Variants in GRID2 observed in about 807,000 individuals in gnomAD.
GRID2 encodes the protein glutamate ionotropic receptor delta type subunit 2.
GRID2 carries 33 observed loss-of-function variants against 114.8 expected under a neutral mutation model. The ratio of observed to expected loss-of-function variants is 0.29; its 90% CI spans 0.22 to 0.38. The LOEUF is 0.38. Ranked by LOEUF, GRID2 falls within the 10% of genes least tolerant of loss-of-function variation. The pLI, the probability that GRID2 is intolerant of heterozygous loss-of-function variation, is 1.00. For synonymous variants in GRID2, 505 were observed against 449.9 expected (o/e 1.12, Z -1.55); for missense variants, 1,184 against 1,257.7 (o/e 0.94, Z 0.89).
intron 2 of GRID2, among the ~76,000 whole-genome samples, chr4:92,895,577 G>T (rs549037082): frequency 9.2e-5 from 14 of 151,728 alleles, no homozygotes; most frequent in African/African-American, 2.2e-4. Context: ...TTCACAATTT[G>T]AGTTACCAGT....
chr4:93,074,553 T>A (rs941230727), intron 2 of GRID2, among the ~76,000 whole-genome samples: 9 of 152,096 alleles, frequency 5.9e-5, no homozygotes, highest in Admixed American at 5.9e-4. Context: ...AAAAGAAGAA[T>A]GGTCTAAAAT....
chr4:92,883,541 C>T lies in GRID2; in HGVS notation c.245-201454C>T, dbSNP rs552547176. On this transcript the variant is annotated intron_variant, in intron 2 of 15. Coordinates refer to ENST00000282020, the MANE Select transcript of GRID2 (RefSeq NM_001510.4). ...CCAGATTCATCAGAGGAATCACTGTCTATGGTAGCTAGAGCCTTAAGAAAT... is the reference window on the plus strand; with the variant it reads ...CCAGATTCATCAGAGGAATCACTGTTTATGGTAGCTAGAGCCTTAAGAAAT... Among the ~76,000 whole-genome samples the T allele has an allele frequency of 1.4e-3, 218 of 152,232 alleles. 2 individuals carry two copies. The highest frequency in any genetic ancestry group is 7.2e-4 in the Non-Finnish European group (49 of 68,022).
At chr4:92,718,761 CAAAAA>C (rs3077559) in intron 2 of GRID2, among the ~76,000 whole-genome samples, 19 of 41,780 alleles carry the variant, frequency 4.5e-4, no homozygotes, top group African/African-American at 1.4e-3. Context: ...AGACCCTGTC[CAAAAA>C]AAAAAAAAAA....
intron 4 of GRID2, among the ~76,000 whole-genome samples, chr4:93,169,258 ATG>A (rs1296409669): frequency 5.3e-5 from 8 of 152,142 alleles, no homozygotes; most frequent in Admixed American, 2.0e-4. Flanking sequence ...AACCAGAAAT[ATG>A]TGTCTTTATT....
intron 4 of GRID2, among the ~76,000 whole-genome samples, chr4:93,124,369 A>G (rs1284325278): frequency 6.6e-6 from 1 of 152,354 alleles, no homozygotes; most frequent in African/African-American, 2.4e-5. Flanking sequence ...CACTAGAGAG[A>G]TGTATTTATT....
At chr4:93,165,161 T>C (rs2149413718) in intron 4 of GRID2, among the ~76,000 whole-genome samples, 1 of 152,176 alleles carries the variant, frequency 6.6e-6, no homozygotes, top group East Asian at 1.9e-4. Flanking sequence ...ATATAAATTA[T>C]TTTGTTATTA....
chr4:93,445,219 T>C (rs1318691022), intron 10 of GRID2, among the ~76,000 whole-genome samples: 1 of 152,006 alleles, frequency 6.6e-6, no homozygotes, highest in East Asian at 1.9e-4. Flanking sequence ...TTGGAAGCTA[T>C]GTACTGAGGA....
chr4:93,705,039 T>C (rs1406352462), intron 14 of GRID2, among the ~76,000 whole-genome samples: 1 of 152,202 alleles, frequency 6.6e-6, no homozygotes, highest in Non-Finnish European at 1.5e-5. Flanking sequence ...CTAGTCTCCA[T>C]AATGGCTTTA....
intron 14 of GRID2, among the ~76,000 whole-genome samples, chr4:93,673,086 A>T (rs920999358): frequency 6.6e-6 from 1 of 152,200 alleles, no homozygotes. Context: ...TACACTACAC[A>T]TTGGCATTTG....
chr4:93,356,119 T>G (rs1761310862), intron 8 of GRID2, among the ~76,000 whole-genome samples: 1 of 152,104 alleles, frequency 6.6e-6, no homozygotes, highest in Non-Finnish European at 1.5e-5. Flanking sequence ...AAAACCCGTA[T>G]AAATATAAAC....
intron 1 of GRID2, among the ~76,000 whole-genome samples, chr4:93,781,432 G>A (rs996252632): frequency 5.3e-5 from 8 of 151,624 alleles, no homozygotes; most frequent in South Asian, 2.1e-4. Context: ...GAGGGGCTGC[G>A]GTGAGGGGCT....
At chr4:92,833,356 TCATC>T (rs1452661481) in intron 2 of GRID2, among the ~76,000 whole-genome samples, 1 of 152,210 alleles carries the variant, frequency 6.6e-6, no homozygotes, top group African/African-American at 2.4e-5. Context: ...CACATGTACT[TCATC>T]CATAAACCCC....
At chr4:93,265,681 CAAGT>C (rs1218459753) in intron 8 of GRID2, among the ~76,000 whole-genome samples, 1 of 151,944 alleles carries the variant, frequency 6.6e-6, no homozygotes, top group Non-Finnish European at 1.5e-5. Context: ...TAAATAAAAA[CAAGT>C]AAGGTAATTA....
chr4:92,411,957 G>A (rs954019212), intron 1 of GRID2, among the ~76,000 whole-genome samples: 2 of 151,606 alleles, frequency 1.3e-5, no homozygotes, highest in Non-Finnish European at 2.9e-5. Context: ...CGCCCGCCTC[G>A]GCCTCCCAAA....
intron 1 of GRID2, among the ~76,000 whole-genome samples, chr4:92,433,969 A>G (rs779857792): frequency 2.6e-5 from 4 of 152,256 alleles, no homozygotes; most frequent in Non-Finnish European, 5.9e-5. Flanking sequence ...TGCATATCAT[A>G]TACTTTACAC....
At chr4:92,441,269 G>A (rs1733057457) in intron 1 of GRID2, among the ~76,000 whole-genome samples, 1 of 152,142 alleles carries the variant, frequency 6.6e-6, no homozygotes, top group African/African-American at 2.4e-5. Flanking sequence ...ATTATGCCGA[G>A]ATAGGTAACA....
intron 2 of GRID2, among the ~76,000 whole-genome samples, chr4:92,735,474 A>G (rs1022936697): frequency 1.4e-4 from 21 of 152,268 alleles, no homozygotes; most frequent in African/African-American, 5.1e-4. Flanking sequence ...ACCATGGTTG[A>G]CAGCAGGTGA....
chr4:93,129,628 C>G (rs975137231), intron 4 of GRID2, among the ~76,000 whole-genome samples: 2 of 152,184 alleles, frequency 1.3e-5, no homozygotes, highest in Non-Finnish European at 2.9e-5. Context: ...TCCCAGGCAT[C>G]TCAACACTAA....
At chr4:93,375,240 A>G (rs1403006990) in intron 8 of GRID2, among the ~76,000 whole-genome samples, 3 of 145,072 alleles carry the variant, frequency 2.1e-5, no homozygotes, top group African/African-American at 7.9e-5. Context: ...TTGAGACAGA[A>G]TCTCACTCTA....
Sources: allele counts gnomAD v4.1 joint callset (sites outside exome capture counted in the v4.1 genomes callset), GRCh38; gene constraint gnomAD v4.1.1; transcripts MANE v1.5; gene names NCBI Gene and HGNC (gene_info 2026-07-23, HGNC 2026-07-21).